The following CSMD2 variants were observed in gnomAD, a reference collection of about 807,000 sequenced individuals.
CSMD2 encodes the protein CUB and Sushi multiple domains 2.
CSMD2 carries 130 observed loss-of-function variants against 398.5 expected under a neutral mutation model. The ratio of observed to expected loss-of-function variants is 0.33; its 90% CI spans 0.28 to 0.38. The LOEUF (loss-of-function observed/expected upper bound fraction) is 0.38. Ranked by LOEUF, CSMD2 falls within the 10% of genes least tolerant of loss-of-function variation. The pLI is 1.00. For synonymous variants in CSMD2, 1,828 were observed against 1,908.5 expected, an observed-to-expected ratio of 0.96 and a Z score of 1.10; for missense variants, 3,829 against 4,764.9, an observed-to-expected ratio of 0.80 and a Z score of 5.78.
At chr1:33,712,355 G>A (rs915163415) in intron 21 of CSMD2, among the ~76,000 whole-genome samples, 1 of 152,088 alleles carries the variant, frequency 6.6e-6, no homozygotes, top group Non-Finnish European at 1.5e-5. Flanking sequence ...ATGCATTAAA[G>A]CCCAGGGCTG....
chr1:33,677,186 G>T (rs1258321939), intron 25 of CSMD2, among the ~76,000 whole-genome samples: 1 of 152,050 alleles, frequency 6.6e-6, no homozygotes, highest in Non-Finnish European at 1.5e-5. Flanking sequence ...CTACAGAATG[G>T]GAGAAAATTT....
intron 25 of CSMD2, among the ~76,000 whole-genome samples, chr1:33,676,898 G>C (rs1423286240): frequency 2.0e-5 from 3 of 152,170 alleles, no homozygotes; most frequent in Non-Finnish European, 4.4e-5. Context: ...GGGAAAACTG[G>C]CTAGCCATAT....
intron 15 of CSMD2, among the ~76,000 whole-genome samples, chr1:33,728,743 T>A (rs1353359652): frequency 6.6e-6 from 1 of 152,216 alleles, no homozygotes; most frequent in Non-Finnish European, 1.5e-5. Context: ...ATGTGGATTA[T>A]CCTTGTGACA....
intron 1 of CSMD2, among the ~76,000 whole-genome samples, chr1:34,134,644 G>C (rs530985447): frequency 7.2e-5 from 11 of 152,194 alleles, no homozygotes; most frequent in African/African-American, 2.4e-4. Flanking sequence ...GTAAACACAG[G>C]TCCAAACTGC....
chr1:33,724,050 TG>T lies in CSMD2; in HGVS notation c.3001+146del, dbSNP rs142032417. ...ACCATTCAAAGGGATGAGAAGACTC[TG>T]GAAGTTTTCTTGTTGGTGAGAAAAG... On this transcript the variant is annotated intron_variant, in intron 19 of 70. Coordinates refer to ENST00000373381, the MANE Select transcript of CSMD2 (RefSeq NM_001281956.2). 291 of 658,958 alleles carry T rather than the reference TG, an allele frequency of 4.4e-4. 2 individuals are homozygous for T. In the East Asian group the frequency reaches 7.1e-3, roughly 16 times the overall value. 40.8% of individuals were successfully genotyped at this position (658,958 alleles called of 1,614,324 possible).
chr1:33,809,746 T>G (rs550489676), intron 10 of CSMD2, among the ~76,000 whole-genome samples: 1 of 151,842 alleles, frequency 6.6e-6, no homozygotes, highest in African/African-American at 2.4e-5. Context: ...CACCATCATT[T>G]TTTTGCAGAT....
At chr1:33,929,491 G>A (rs1432190882) in intron 4 of CSMD2, among the ~76,000 whole-genome samples, 4 of 134,850 alleles carry the variant, frequency 3.0e-5, no homozygotes, top group African/African-American at 1.2e-4. Flanking sequence ...AGGTTGGAGT[G>A]CAGTGGCATG....
intron 13 of CSMD2, among the ~76,000 whole-genome samples, chr1:33,766,517 C>A (rs535471211): frequency 9.9e-5 from 15 of 152,168 alleles, no homozygotes; most frequent in Non-Finnish European, 1.9e-4. Context: ...AAATTATAAG[C>A]CACAAGGGCC....
chr1:33,662,768 T>C (rs1157404587), intron 26 of CSMD2, 122 bp downstream of exon 26: 2 of 911,062 alleles, frequency 2.2e-6, no homozygotes, highest in African/African-American at 3.2e-5. Context: ...ACCAGGCACA[T>C]AGCAGATGTT....
intron 22 of CSMD2, among the ~76,000 whole-genome samples, chr1:33,708,235 T>C (rs372921938): frequency 6.6e-6 from 1 of 152,260 alleles, no homozygotes; most frequent in African/African-American, 2.4e-5. Context: ...CTTACATATG[T>C]CTCAAACTCA....
At chr1:34,092,461 G>A (rs895099570) in intron 1 of CSMD2, among the ~76,000 whole-genome samples, 3 of 152,200 alleles carry the variant, frequency 2.0e-5, no homozygotes, top group Non-Finnish European at 2.9e-5. Flanking sequence ...GAGCGAGGCA[G>A]AAGAGGGGTG....
At chr1:33,947,877 C>A (rs1456632832) in intron 3 of CSMD2, among the ~76,000 whole-genome samples, 1 of 152,194 alleles carries the variant, frequency 6.6e-6, no homozygotes, top group East Asian at 1.9e-4. Context: ...ATACTGTGCC[C>A]ATTGGACAGG....
At chr1:33,622,795 A>T (rs778007160) in intron 36 of CSMD2, among the ~76,000 whole-genome samples, 9 of 152,254 alleles carry the variant, frequency 5.9e-5, no homozygotes, top group Non-Finnish European at 1.2e-4. Context: ...AAAGTTAAAC[A>T]TAGAGTTCCC....
rs956507100 is a variant in CSMD2, at chr1:33,605,306, C to T, written c.6508G>A (p.Asp2170Asn). Residue 2170 changes from aspartate (D) to asparagine (N), a missense_variant, in exon 42 of 71, where the codon GAC (aspartate) becomes AAC (asparagine). Physicochemically the swap from Asp to Asn is conservative, Grantham distance 23. This residue lies in a region of CSMD2 where 723 missense variants were observed against 758.6 expected (regional missense o/e 0.95). Transcript: ENST00000373381. ...CCTTCACACTTGGGCAGGGGGTGGT[C>T]CCAGTTCCGGTTGGTGCCATGTTGA... The part of the protein sequence containing the change: ...TCQHGTNRNW[D>N]HPLPKCEVPC... The T allele has an allele frequency of 6.2e-7, 1 of 1,614,000 alleles. No individual in the cohort carries two copies. Among genetic ancestry groups the T allele is most frequent in the Non-Finnish European group, 8.5e-7 (1 of 1,180,026 alleles).
rs74576146 is a variant in CSMD2 at position 34,013,652 on chromosome 1, G to A, written c.517+18942C>T. On this transcript the variant is annotated intron_variant, in intron 3 of 70. Transcript: ENST00000373381. ...GGAGCTGACACTACAACTGCTGCAA[G>A]AACCAGAAACAGACATAACTGTTTT... Among the ~76,000 whole-genome samples the A allele has an allele frequency of 1.2e-4, 18 of 152,230 alleles. No individual in the cohort carries two copies. The East Asian group carries it at 3.1e-3, about 26-fold the overall frequency.
intron 5 of CSMD2, among the ~76,000 whole-genome samples, chr1:33,916,042 T>C (rs1174951015): frequency 6.6e-6 from 1 of 152,208 alleles, no homozygotes; most frequent in Non-Finnish European, 1.5e-5. Flanking sequence ...AATGAAATTA[T>C]AGCTCTAAAG....
At chr1:34,120,969 C>G (rs908897603) in intron 1 of CSMD2, among the ~76,000 whole-genome samples, 4 of 152,166 alleles carry the variant, frequency 2.6e-5, no homozygotes, top group African/African-American at 9.7e-5. Flanking sequence ...GAGCTCTTAC[C>G]ACCCAACATA....
intron 3 of CSMD2, among the ~76,000 whole-genome samples, chr1:33,975,989 AG>A (rs2147937005): frequency 6.6e-6 from 1 of 152,316 alleles, no homozygotes; most frequent in Admixed American, 6.5e-5. Flanking sequence ...ATCCAAATGC[AG>A]GGGGCACCGC....
chr1:34,021,378 G>A (rs1295927018), intron 3 of CSMD2, among the ~76,000 whole-genome samples: 1 of 152,166 alleles, frequency 6.6e-6, no homozygotes, highest in Non-Finnish European at 1.5e-5. Context: ...GTCCAGCTAC[G>A]GTCCCTACCA....
Sources: allele counts gnomAD v4.1 joint callset (sites outside exome capture counted in the v4.1 genomes callset), GRCh38; gene constraint gnomAD v4.1.1; regional missense constraint gnomAD v4.1.1; transcripts MANE v1.5; gene names NCBI Gene and HGNC (gene_info 2026-07-23, HGNC 2026-07-21).